The following TENM3 variants were observed in gnomAD, a reference collection of about 807,000 sequenced individuals.
TENM3 encodes the protein teneurin-3.
TENM3 carries 63 observed loss-of-function variants against 255.1 expected under a neutral mutation model. That is an observed-to-expected ratio of 0.25 (90% CI 0.20 to 0.30). The LOEUF is 0.30. Ranked by LOEUF, TENM3 falls within the 10% of genes least tolerant of loss-of-function variation. TENM3 has a pLI of 1.00. For missense variants in TENM3, 2,929 were observed against 3,461.1 expected, an observed-to-expected ratio of 0.85 and a Z score of 3.86; for synonymous variants, 1,306 against 1,322.3, an observed-to-expected ratio of 0.99 and a Z score of 0.27.
At chr4:181,702,951 T>C in the TENM3 span, among the ~76,000 whole-genome samples, 1 of 152,208 alleles carries the variant, frequency 6.6e-6, no homozygotes, top group African/African-American at 2.4e-5. Context: ...TTATTAAGCA[T>C]TAACTATATG....
At chr4:181,829,169 C>T in the TENM3 span, among the ~76,000 whole-genome samples, 2 of 152,162 alleles carry the variant, frequency 1.3e-5, no homozygotes, top group East Asian at 1.9e-4. Context: ...AATTAGATCA[C>T]GAAAGAGTGA....
the TENM3 span, among the ~76,000 whole-genome samples, chr4:181,771,333 T>C: frequency 6.6e-6 from 1 of 152,174 alleles, no homozygotes; most frequent in Non-Finnish European, 1.5e-5. Context: ...TTAGTTCAAA[T>C]GTAATAGGTG....
intron 3 of TENM3, among the ~76,000 whole-genome samples, chr4:182,585,352 C>T (rs545393032): frequency 1.3e-5 from 2 of 152,150 alleles, no homozygotes; most frequent in African/African-American, 4.8e-5. Context: ...TTGTGTCCCC[C>T]AAAATTCAAA....
chr4:182,481,811 A>G (rs1458216228), intron 3 of TENM3, among the ~76,000 whole-genome samples: 1 of 152,204 alleles, frequency 6.6e-6, no homozygotes, highest in Non-Finnish European at 1.5e-5. Flanking sequence ...TCAATCACTC[A>G]CTCAATACAA....
chr4:182,701,210 C>CTTTTTTTTTTTTTGTTTTTTTTTTTTTT (rs1757835731), intron 12 of TENM3, among the ~76,000 whole-genome samples: 1 of 38,644 alleles, frequency 2.6e-5, no homozygotes, highest in Non-Finnish European at 4.3e-5. Flanking sequence ...CAACTCTTGA[C>CTTTTTTTTTTTTTGTTTTTTTTTTTTTT]TTTTTTTTTT....
the TENM3 span, among the ~76,000 whole-genome samples, chr4:181,788,216 C>CTGA: frequency 6.6e-6 from 1 of 152,178 alleles, no homozygotes; most frequent in African/African-American, 2.4e-5. Flanking sequence ...TTATCACCCT[C>CTGA]TGATGATGAT....
At chr4:181,878,436 G>A in the TENM3 span, among the ~76,000 whole-genome samples, 480 of 152,094 alleles carry the variant, frequency 3.2e-3, 1 homozygote, top group African/African-American at 0.011. Context: ...ATATGTCTGT[G>A]TATTAACCTA....
At chr4:181,604,320 A>C in the TENM3 span, among the ~76,000 whole-genome samples, 1 of 152,322 alleles carries the variant, frequency 6.6e-6, no homozygotes, top group East Asian at 1.9e-4. Flanking sequence ...CATTGAATAA[A>C]GTAATCTCTC....
At chr4:182,050,803 G>GA in the TENM3 span, among the ~76,000 whole-genome samples, 121,568 of 151,642 alleles carry the variant, frequency 0.8, 52,765 homozygotes, top group East Asian at 1. Flanking sequence ...GACTCCACCT[G>GA]AAAAAAACAA....
At chr4:181,784,557 CT>C in the TENM3 span, among the ~76,000 whole-genome samples, 1 of 151,966 alleles carries the variant, frequency 6.6e-6, no homozygotes, top group East Asian at 1.9e-4. Flanking sequence ...TTATTCTAGC[CT>C]TTCCAACTGT....
chr4:182,577,152 A>G (rs1745009751), intron 3 of TENM3, among the ~76,000 whole-genome samples: 1 of 152,212 alleles, frequency 6.6e-6, no homozygotes, highest in Non-Finnish European at 1.5e-5. Context: ...AGCTTATCGG[A>G]AAAACCTTCT....
chr4:181,824,253 C>A, the TENM3 span, among the ~76,000 whole-genome samples: 1 of 147,370 alleles, frequency 6.8e-6, no homozygotes, highest in African/African-American at 2.5e-5. Context: ...AGGTGTGCAC[C>A]ACCACACCTG....
chr4:182,495,104 A>G (rs896819034), intron 3 of TENM3, among the ~76,000 whole-genome samples: 13 of 152,198 alleles, frequency 8.5e-5, no homozygotes, highest in African/African-American at 3.1e-4. Context: ...TTGCCTGTCA[A>G]GCAGAGGTTC....
chr4:181,520,002 A>G, the TENM3 span, among the ~76,000 whole-genome samples: 1 of 152,218 alleles, frequency 6.6e-6, no homozygotes, highest in Non-Finnish European at 1.5e-5. Flanking sequence ...TTTGCAGCAA[A>G]AAATACCCAC....
At chr4:182,431,262 G>A (rs1045424155) in intron 3 of TENM3, among the ~76,000 whole-genome samples, 3 of 151,782 alleles carry the variant, frequency 2.0e-5, no homozygotes, top group Admixed American at 6.6e-5. Flanking sequence ...TTGGGAGACC[G>A]AGACAGGCGG....
the TENM3 span, among the ~76,000 whole-genome samples, chr4:181,838,701 G>A: frequency 1.1e-4 from 17 of 152,096 alleles, no homozygotes; most frequent in Non-Finnish European, 1.3e-4. Context: ...AAATGTATTC[G>A]TGTGAATCTA....
At chr4:182,255,904 A>G (rs955972887) in intron 1 of TENM3, among the ~76,000 whole-genome samples, 4 of 152,238 alleles carry the variant, frequency 2.6e-5, no homozygotes, top group Admixed American at 2.6e-4. Context: ...ACCACGTCTT[A>G]ACTCTCACAT....
At chr4:182,186,763 A>T (rs1753177133) in intron 1 of TENM3, among the ~76,000 whole-genome samples, 1 of 3,466 alleles carries the variant, frequency 2.9e-4, no homozygotes, top group African/African-American at 1.5e-3. Flanking sequence ...CTAATGCATC[A>T]TATATATATA....
intron 1 of TENM3, among the ~76,000 whole-genome samples, chr4:182,246,106 C>A (rs796603609): frequency 2.6e-5 from 4 of 152,210 alleles, no homozygotes; most frequent in African/African-American, 9.6e-5. Flanking sequence ...CAGAGGGTGG[C>A]ACCTTCTGGC....
Sources: gnomAD v4.1 joint callset for allele counts (sites outside exome capture counted in the v4.1 genomes callset) on GRCh38, gnomAD v4.1.1 for gene constraint, MANE v1.5 for transcripts, NCBI Gene and HGNC (gene_info 2026-07-23, HGNC 2026-07-21) for gene names.